SLC22A24: variants seen among roughly 807,000 people sequenced by gnomAD.
The protein encoded by SLC22A24 is steroid transmembrane transporter SLC22A24.
SLC22A24 carries 53 observed loss-of-function variants against 49.8 expected under a neutral mutation model. The ratio of observed to expected loss-of-function variants is 1.06; its 90% CI spans 0.85 to 1.34. The LOEUF is 1.34. Among genes scored for constraint, SLC22A24 ranks in the 40% most tolerant of loss-of-function variants. The pLI, the probability that SLC22A24 is intolerant of heterozygous loss-of-function variation, is 0.00. For missense variants in SLC22A24, 786 were observed against 675.9 expected, an observed-to-expected ratio of 1.16 and a Z score of -1.81; for synonymous variants, 302 against 256.4, an observed-to-expected ratio of 1.18 and a Z score of -1.70.
chr11:63,110,795 C>G (rs1354164276), intron 4 of SLC22A24, among the ~76,000 whole-genome samples: 2 of 140,978 alleles, frequency 1.4e-5, no homozygotes, highest in Non-Finnish European at 3.1e-5. Context: ...CGTCTGCAAA[C>G]ATGGACAATT....
intron 6 of SLC22A24, among the ~76,000 whole-genome samples, chr11:63,095,118 T>A (rs970061649): frequency 6.6e-6 from 1 of 152,250 alleles, no homozygotes; most frequent in Admixed American, 6.5e-5. Flanking sequence ...GTTTTAGGTC[T>A]AAGATTTAAG....
At chr11:63,095,567 A>G (rs1224846943) in intron 6 of SLC22A24, among the ~76,000 whole-genome samples, 1 of 152,284 alleles carries the variant, frequency 6.6e-6, no homozygotes, top group South Asian at 2.1e-4. Context: ...AGGGTGAAAG[A>G]GACATGAGAG....
At position 63,119,295 on chromosome 11, in the gene SLC22A24, G is replaced by T. The variant is rs1269544730; in HGVS notation, c.547C>A (p.Leu183Met). 2 of 1,550,740 alleles carry T rather than the reference G, an allele frequency of 1.3e-6. No homozygotes were observed. Among genetic ancestry groups the T allele is most frequent in the Non-Finnish European group, 1.7e-6 (2 of 1,146,702 alleles). ...GCCGCACAGGTGTTAGAGATGGCCA[G>T]CTGGAGGAAACACAATTTGCATATG... ...KIICKLCFLQ[L>M]AISNTCAAFA... Residue 183 changes from leucine to methionine, a missense_variant, in exon 3 of 10, where the codon CTG (leucine) becomes ATG (methionine). Coordinates refer to ENST00000612278, the MANE Select transcript of SLC22A24 (RefSeq NM_001136506.2).
At chr11:63,082,633 T>A (rs1162355381) in intron 7 of SLC22A24, among the ~76,000 whole-genome samples, 1 of 152,208 alleles carries the variant, frequency 6.6e-6, no homozygotes, top group Non-Finnish European at 1.5e-5. Flanking sequence ...ATAAAACAGA[T>A]AAAGAGATAT....
At chr11:63,106,781 C>T (rs1360845869) in intron 4 of SLC22A24, among the ~76,000 whole-genome samples, 1 of 151,878 alleles carries the variant, frequency 6.6e-6, no homozygotes, top group Non-Finnish European at 1.5e-5. Context: ...GGGTTGTTTG[C>T]TTTTTTCTTG....
At chr11:63,094,449 A>G (rs551587169) in intron 6 of SLC22A24, among the ~76,000 whole-genome samples, 1 of 152,218 alleles carries the variant, frequency 6.6e-6, no homozygotes, top group African/African-American at 2.4e-5. Flanking sequence ...ATACATGTGC[A>G]TGTGTCATTA....
At chr11:63,097,838 G>A (rs963114398) in intron 5 of SLC22A24, among the ~76,000 whole-genome samples, 1 of 152,010 alleles carries the variant, frequency 6.6e-6, no homozygotes, top group African/African-American at 2.4e-5. Context: ...CAAACACCAT[G>A]AGTTTTCACT....
rs1422149823 is a variant in SLC22A24 at position 63,143,820 on chromosome 11, T to G, written c.-41A>C. ...GATCCCCAAGAGGAAGCACAATGACTTTATGAAGAGAAGTTCAGAGGGAGA... is the reference window on the plus strand; with the variant it reads ...GATCCCCAAGAGGAAGCACAATGACGTTATGAAGAGAAGTTCAGAGGGAGA... On this transcript the variant is annotated 5_prime_UTR_variant, in exon 1 of 10. Coordinates refer to ENST00000612278, the MANE Select transcript of SLC22A24 (RefSeq NM_001136506.2). The G allele has an allele frequency of 3.8e-6, 5 of 1,318,054 alleles. No individual in the cohort carries two copies. The highest frequency in any genetic ancestry group is 4.9e-6 in the Non-Finnish European group (5 of 1,029,498). 81.6% of individuals were successfully genotyped at this position (1,318,054 alleles called of 1,614,324 possible). A position where few individuals can be genotyped will look rare whatever the true frequency, so the allele number is the denominator to read the frequency against.
chr11:63,125,628 G>T (rs1232435023), intron 2 of SLC22A24, among the ~76,000 whole-genome samples: 1 of 152,166 alleles, frequency 6.6e-6, no homozygotes, highest in Non-Finnish European at 1.5e-5. Context: ...ACGTGTGGAT[G>T]TGTCTTTATA....
intron 2 of SLC22A24, among the ~76,000 whole-genome samples, chr11:63,120,085 G>T (rs2087240520): frequency 6.6e-6 from 1 of 151,074 alleles, no homozygotes; most frequent in Non-Finnish European, 1.5e-5. Flanking sequence ...TGTTCACTCT[G>T]ACGGTAGTTT....
chr11:63,113,217 TATATATATATAC>T (rs2087186901), intron 4 of SLC22A24, among the ~76,000 whole-genome samples: 1 of 1,604 alleles, frequency 6.2e-4, no homozygotes, highest in African/African-American at 7.8e-4. Context: ...TATATACACA[TATATATATATAC>T]ATATATATAT....
In SLC22A24 at chr11:63,104,314, A is replaced by G; in HGVS notation, c.831-16T>C. 6.5e-7 allele frequency: 1 copy of G among 1,543,972 alleles called. No homozygotes were observed. Among genetic ancestry groups the G allele is most frequent in the Non-Finnish European group, 8.7e-7 (1 of 1,145,220 alleles). ...CACCATCTTCCTGATGAAAGAAGAC[A>G]ACATAGGTATAGTAAACAATTACTT... On this transcript the variant is annotated splice_polypyrimidine_tract_variant and intron_variant, in intron 4 of 9. Transcript: ENST00000612278.
intron 6 of SLC22A24, among the ~76,000 whole-genome samples, chr11:63,086,963 AT>A (rs1254605424): frequency 6.6e-6 from 1 of 150,510 alleles, no homozygotes; most frequent in East Asian, 2.0e-4. Context: ...AGTACTGTGC[AT>A]TTATTAGGAA....
At chr11:63,136,551 TCTC>T (rs1316358055) in intron 1 of SLC22A24, among the ~76,000 whole-genome samples, 1 of 152,216 alleles carries the variant, frequency 6.6e-6, no homozygotes, top group Non-Finnish European at 1.5e-5. Context: ...TCTTCAAACA[TCTC>T]AACAACTGTT....
At chr11:63,080,827 C>T in intron 9 of SLC22A24, 93 bp downstream of exon 9, 9 of 1,094,472 alleles carry the variant, frequency 8.2e-6, no homozygotes, top group Non-Finnish European at 1.1e-5. Context: ...ACATGAAGGA[C>T]AGAGGGCCCC....
At chr11:63,094,978 T>C (rs1319470180) in intron 6 of SLC22A24, among the ~76,000 whole-genome samples, 1 of 152,050 alleles carries the variant, frequency 6.6e-6, no homozygotes, top group African/African-American at 2.4e-5. Context: ...AGAAGCTCTT[T>C]AGTTTAATTA....
chr11:63,123,822 G>C lies in SLC22A24; in HGVS notation c.507-4487C>G, dbSNP rs550981776. ...CCAACTCTATCTTACCATCTCCCTT[G>C]ATATCCCTTTAATTTACATTCTTAT... On this transcript the variant is annotated intron_variant, in intron 2 of 9. Coordinates refer to ENST00000612278, the MANE Select transcript of SLC22A24 (RefSeq NM_001136506.2). Among the ~76,000 whole-genome samples the C allele has an allele frequency of 3.9e-5, 6 of 152,150 alleles. No individual in the cohort carries two copies. The South Asian group carries it at 1.2e-3, about 32-fold the overall frequency.
chr11:63,107,928 C>T (rs1009360503), intron 4 of SLC22A24, among the ~76,000 whole-genome samples: 5 of 151,962 alleles, frequency 3.3e-5, no homozygotes, highest in African/African-American at 7.3e-5. Flanking sequence ...CCTTTATTTC[C>T]TTCTCCTGCC....
rs187897967 is a variant in SLC22A24 at position 63,135,230 on chromosome 11, C to T, written c.403-462G>A. Reference sequence around the variant, plus strand: ...CATATGAGCTCTACCTTTGACTTCACTTAGCAGTCTATAATTCAACTACTA... The same window carrying T: ...CATATGAGCTCTACCTTTGACTTCATTTAGCAGTCTATAATTCAACTACTA... On this transcript the variant is annotated intron_variant, in intron 1 of 9. Coordinates refer to ENST00000612278, the MANE Select transcript of SLC22A24 (RefSeq NM_001136506.2). 1.9e-4 allele frequency among the ~76,000 whole-genome samples: 29 copies of T among 152,316 alleles called. No individual in the cohort carries two copies. The East Asian group carries it at 3.9e-3, about 20-fold the overall frequency.
Sources: gnomAD v4.1 joint callset for allele counts (sites outside exome capture counted in the v4.1 genomes callset) on GRCh38, gnomAD v4.1.1 for gene constraint, MANE v1.5 for transcripts, NCBI Gene and HGNC (gene_info 2026-07-23, HGNC 2026-07-21) for gene names.